Variants in FRMD8 observed in about 807,000 individuals in gnomAD.
FRMD8 encodes FERM domain containing 8, also known as FERM domain-containing protein 8.
Under a neutral mutation model 54.2 loss-of-function variants are expected in FRMD8, and 37 were observed. The observed-to-expected ratio is 0.68, with a 90% CI of 0.53 to 0.90. The LOEUF (loss-of-function observed/expected upper bound fraction) is 0.90, where lower values mean the gene tolerates loss of function less well. FRMD8 is among the 40% of genes least tolerant of loss of function. The pLI, the probability that FRMD8 is intolerant of heterozygous loss-of-function variation, is 0.00. For synonymous variants in FRMD8, 246 were observed against 286.9 expected (o/e 0.86, Z 1.44); for missense variants, 585 against 653.7 (o/e 0.89, Z 1.15).
chr11:65,411,323 C>T lies in FRMD8; in HGVS notation c.1358C>T (p.Thr453Ile). The change falls in exon 11 of 11, where the codon ACC becomes ATC. Residue 453 changes from threonine (T) to isoleucine (I), a missense_variant. Transcript: ENST00000317568. ...CTGTCCTTGGGCCAGGGGAGCTACA[C>T]CGTGGTGCAGCCCGGCGACAGCCTG... ...RQLSLGQGSYTVVQPGDSLEQ... is the reference protein window; with the variant it reads ...RQLSLGQGSYIVVQPGDSLEQ... 1 of 1,607,138 alleles carries T rather than the reference C, an allele frequency of 6.2e-7. No individual in the cohort carries two copies. The highest frequency in any genetic ancestry group is 8.5e-7 in the Non-Finnish European group (1 of 1,178,128).
At chr11:65,411,153 C>T (rs1400210323) in intron 10 of FRMD8, 89 bp from the exon 11 acceptor site, 9 of 1,087,430 alleles carry the variant, frequency 8.3e-6, no homozygotes, top group Admixed American at 2.3e-5. Context: ...GGAGCCGTCG[C>T]GCTGGAGCCA....
rs1005208035 is a variant in FRMD8, at chr11:65,411,487, C to T, written c.*127C>T. 7 of 614,882 alleles carry T rather than the reference C, an allele frequency of 1.1e-5. No homozygotes were observed. The South Asian group carries it at 1.6e-4, about 14-fold the overall frequency. The allele number at this position is 614,882 out of a possible 1,614,324, so 38.1% of individuals were successfully genotyped here. ...TGGGGAGGGCTGCCTCAGCAGGTTT[C>T]TCAGACCACGGAGAAGTGACTTTTG... On this transcript the variant is annotated 3_prime_UTR_variant, in exon 11 of 11. Coordinates refer to ENST00000317568, the MANE Select transcript of FRMD8 (RefSeq NM_031904.5).
At chr11:65,406,773 C>T (rs1461385341) in intron 10 of FRMD8, among the ~76,000 whole-genome samples, 1 of 151,912 alleles carries the variant, frequency 6.6e-6, no homozygotes, top group Non-Finnish European at 1.5e-5. Flanking sequence ...AAACTCTTCT[C>T]TACTAAAAAT....
chr11:65,381,739 T>C (rs1855570229), upstream of FRMD8: 1 of 709,374 alleles, frequency 1.4e-6, no homozygotes, highest in African/African-American at 1.8e-5. Flanking sequence ...GATTTTTTTG[T>C]AGAGACAGGG....
chr11:65,409,873 G>A (rs763240499), intron 10 of FRMD8, among the ~76,000 whole-genome samples: 7 of 151,996 alleles, frequency 4.6e-5, no homozygotes, highest in Non-Finnish European at 1.0e-4. Context: ...GAGGCCAGGA[G>A]TTCGAGATCA....
Position 65,387,072 on chromosome 11 carries a change from C to T in FRMD8, c.36C>T (p.Gly12=). The change falls in exon 2 of 11, where the codon GGC becomes GGT. Residue 12 remains glycine (G), a synonymous_variant. Transcript: ENST00000317568. ...CAGAAGGCAGTGCCGGGCAGCCCGGCCCCGCTGAGCGATCCCACCGAAGCA... is the reference window on the plus strand; with the variant it reads ...CAGAAGGCAGTGCCGGGCAGCCCGGTCCCGCTGAGCGATCCCACCGAAGCA... ...DGTEGSAGQP[G]PAERSHRSSV... The T allele has an allele frequency of 6.2e-7, 1 of 1,608,964 alleles. No individual in the cohort carries two copies. The highest frequency in any genetic ancestry group is 8.5e-7 in the Non-Finnish European group (1 of 1,179,998).
rs776409542 is a variant in FRMD8, at chr11:65,389,332, C to G, written c.86-29C>G. 3.7e-6 allele frequency: 6 copies of G among 1,605,668 alleles called. No individual in the cohort carries two copies. The Admixed American group carries it at 1.0e-4, about 27-fold the overall frequency. On this transcript the variant is annotated intron_variant, in intron 2 of 10. Coordinates refer to ENST00000317568, the MANE Select transcript of FRMD8 (RefSeq NM_031904.5). ...GCCTGGCTGTGCCAGGCAGAGGCCT[C>G]AGCTGAGCCTGCCTGGTCTCCATCA...
chr11:65,397,210 G>A (rs1334529344), intron 7 of FRMD8, among the ~76,000 whole-genome samples, 190 bp downstream of exon 7: 1 of 152,118 alleles, frequency 6.6e-6, no homozygotes, highest in Non-Finnish European at 1.5e-5. Context: ...CCTGTCAGGG[G>A]CTGGGACACC....
chr11:65,381,698 G>T, upstream of FRMD8: 1 of 563,894 alleles, frequency 1.8e-6, no homozygotes, highest in South Asian at 1.8e-5. Flanking sequence ...GGGACTACAG[G>T]TGTGAGCCAC....
chr11:65,369,819 G>A, the FRMD8 span, among the ~76,000 whole-genome samples: 4 of 150,410 alleles, frequency 2.7e-5, no homozygotes, highest in Non-Finnish European at 5.9e-5. Context: ...GATCACCTGA[G>A]GTCAGGAGTT....
rs1428591241 is a variant in FRMD8 at position 65,412,600 on chromosome 11, G to T, written c.*1240G>T. 6.6e-6 allele frequency: 1 copy of T among 152,246 alleles called. No individual in the cohort carries two copies. Among genetic ancestry groups the T allele is most frequent in the Non-Finnish European group, 1.5e-5 (1 of 68,082 alleles). 9.4% of individuals were successfully genotyped at this position (152,246 alleles called of 1,614,324 possible). A position where few individuals can be genotyped will look rare whatever the true frequency, so the allele number is the denominator to read the frequency against. On this transcript the variant is annotated 3_prime_UTR_variant, in exon 11 of 11. Coordinates refer to ENST00000317568, the MANE Select transcript of FRMD8 (RefSeq NM_031904.5). ...GGGACCCTCCGAGGTGGGTGTGCGG[G>T]TCTCACAGGTGCTTCCTGGGACTTC...
At chr11:65,372,220 G>T in the FRMD8 span, among the ~76,000 whole-genome samples, 1 of 152,160 alleles carries the variant, frequency 6.6e-6, no homozygotes, top group Admixed American at 6.6e-5. Context: ...CCAACATCTA[G>T]ATTTTTAGAA....
chr11:65,410,128 G>A (rs548531657), intron 10 of FRMD8, among the ~76,000 whole-genome samples: 1 of 152,254 alleles, frequency 6.6e-6, no homozygotes, highest in East Asian at 1.9e-4. Flanking sequence ...CACTTTGGGA[G>A]GTCAAGGCAG....
At chr11:65,389,176 G>A (rs1403533653) in intron 2 of FRMD8, among the ~76,000 whole-genome samples, 185 bp from the exon 3 acceptor site, 1 of 152,216 alleles carries the variant, frequency 6.6e-6, no homozygotes, top group Non-Finnish European at 1.5e-5. Context: ...TCGTGATAGG[G>A]TCTTTTGGGG....
intron 9 of FRMD8, among the ~76,000 whole-genome samples, chr11:65,401,861 A>G (rs539775118): frequency 5.6e-4 from 38 of 67,460 alleles, no homozygotes; most frequent in Admixed American, 9.6e-4. Context: ...AGACTGGTTT[A>G]TGCTTTTTGT....
At chr11:65,376,356 T>A in the FRMD8 span, 1 of 1,592,558 alleles carries the variant, frequency 6.3e-7, no homozygotes, top group Non-Finnish European at 8.6e-7. Flanking sequence ...AATCTCAAAC[T>A]GGCCTCCAGG....
At chr11:65,372,580 G>C in the FRMD8 span, among the ~76,000 whole-genome samples, 2 of 152,140 alleles carry the variant, frequency 1.3e-5, no homozygotes, top group African/African-American at 4.8e-5. Context: ...AAAAAAAATA[G>C]ATTTTTTTCA....
In FRMD8 at chr11:65,400,179, C is replaced by T. The variant is rs1220520685; in HGVS notation, c.927+320C>T. ...CCTGATGCTCCAGAAGACCCCGCGA[C>T]GGGAGCCCTCTTGGGCTGACCGTGT... On this transcript the variant is annotated intron_variant, in intron 8 of 10. Transcript: ENST00000317568. This position sits in a 1 kb window ranked among gnomAD's most constrained non-coding sequence, Gnocchi z 4.3. Among the ~76,000 whole-genome samples the T allele has an allele frequency of 6.6e-6, 1 of 152,188 alleles. No individual in the cohort carries two copies. The highest frequency in any genetic ancestry group is 2.4e-5 in the African/African-American group (1 of 41,430).
At chr11:65,372,577 A>G in the FRMD8 span, among the ~76,000 whole-genome samples, 749 of 152,288 alleles carry the variant, frequency 4.9e-3, 6 homozygotes, top group African/African-American at 0.017. Flanking sequence ...GCCAAAAAAA[A>G]TAGATTTTTT....
Sources: gnomAD v4.1 joint callset for allele counts (sites outside exome capture counted in the v4.1 genomes callset) on GRCh38, gnomAD v4.1.1 for gene constraint, Gnocchi (gnomAD v3.1) non-coding constraint, MANE v1.5 for transcripts, NCBI Gene and HGNC (gene_info 2026-07-23, HGNC 2026-07-21) for gene names.